NDUFA12: variants seen among roughly 807,000 people sequenced by gnomAD.
NDUFA12 encodes NADH:ubiquinone oxidoreductase subunit A12.
NDUFA12 carries 17 observed loss-of-function variants against 20.3 expected under a neutral mutation model. The observed-to-expected ratio is 0.84, with a 90% CI of 0.57 to 1.26. NDUFA12 has a LOEUF of 1.26. Ranked by LOEUF, NDUFA12 falls within the 50% of genes most tolerant of loss-of-function variation. NDUFA12 has a pLI of 0.00. For missense variants in NDUFA12, 191 were observed against 183.7 expected, an observed-to-expected ratio of 1.04 and a Z score of -0.23; for synonymous variants, 72 against 63.6, an observed-to-expected ratio of 1.13 and a Z score of -0.63.
chr12:94,994,077 T>A (rs778786219), intron 3 of NDUFA12, 93 bp downstream of exon 3: 63 of 1,117,562 alleles, frequency 5.6e-5, no homozygotes, highest in Non-Finnish European at 7.7e-5. Flanking sequence ...TGAGTCATGA[T>A]CATGTCACTG....
At chr12:94,975,460 G>A (rs908755034) in intron 3 of NDUFA12, among the ~76,000 whole-genome samples, 3 of 152,166 alleles carry the variant, frequency 2.0e-5, no homozygotes, top group Non-Finnish European at 4.4e-5. Flanking sequence ...TGAACTTAAA[G>A]AGAAATCAGT....
At chr12:94,991,814 G>A (rs926028762) in intron 3 of NDUFA12, among the ~76,000 whole-genome samples, 5 of 151,610 alleles carry the variant, frequency 3.3e-5, no homozygotes, top group African/African-American at 7.3e-5. Flanking sequence ...GAAACCCTTC[G>A]CAGAATTCTC....
intron 2 of NDUFA12, 25 bp downstream of exon 2, chr12:95,002,714 T>A (rs1875099501): frequency 6.5e-7 from 1 of 1,536,490 alleles, no homozygotes; most frequent in Non-Finnish European, 9.0e-7. Flanking sequence ...ATCCAATTAT[T>A]CATACTAAAA....
At chr12:94,990,586 C>T (rs973333860) in intron 3 of NDUFA12, among the ~76,000 whole-genome samples, 1 of 152,100 alleles carries the variant, frequency 6.6e-6, no homozygotes, top group South Asian at 2.1e-4. Context: ...CCATGCCTGG[C>T]TAATTTTCTA....
chr12:94,995,354 G>C (rs566562145), intron 2 of NDUFA12, among the ~76,000 whole-genome samples: 1 of 152,260 alleles, frequency 6.6e-6, no homozygotes, highest in African/African-American at 2.4e-5. Flanking sequence ...GGAATGTGCA[G>C]GCAGATGGAG....
intron 3 of NDUFA12, chr12:94,972,326 G>A: frequency 3.3e-6 from 1 of 298,700 alleles, no homozygotes; most frequent in Non-Finnish European, 6.9e-6. Context: ...ATAAATTATG[G>A]CCACTACTGA....
At chr12:95,003,432 T>C (rs1875135658) in intron 1 of NDUFA12, among the ~76,000 whole-genome samples, 163 bp downstream of exon 1, 1 of 152,250 alleles carries the variant, frequency 6.6e-6, no homozygotes, top group Admixed American at 6.5e-5. Context: ...CGGGGATATA[T>C]GGGACAGAGA....
intron 2 of NDUFA12, among the ~76,000 whole-genome samples, chr12:95,002,213 G>A (rs1388122114): frequency 2.7e-5 from 4 of 150,740 alleles, no homozygotes; most frequent in Non-Finnish European, 5.9e-5. Context: ...GGGCCAAGGC[G>A]GGTGGATCAC....
In NDUFA12 at chr12:94,977,949, G is replaced by C. The variant is rs79115313; in HGVS notation, c.258-6329C>G. 9.2e-5 allele frequency among the ~76,000 whole-genome samples: 14 copies of C among 152,226 alleles called. No homozygotes were observed. In the East Asian group the frequency reaches 2.7e-3, roughly 29 times the overall value. ...CTGAAGAGCCACCAGATGGGCACTT[G>C]AATAAAGTGAAGGTGTGTGAGCCAT... On this transcript the variant is annotated intron_variant, in intron 3 of 3. Coordinates refer to ENST00000327772, the MANE Select transcript of NDUFA12 (RefSeq NM_018838.5).
intron 3 of NDUFA12, among the ~76,000 whole-genome samples, chr12:94,980,005 TC>T (rs1301781592): frequency 6.6e-6 from 1 of 152,174 alleles, no homozygotes; most frequent in African/African-American, 2.4e-5. Context: ...TATTGCCAAA[TC>T]ACACGGACAT....
rs1874792755 is a variant in NDUFA12, at chr12:94,995,498, AT to A, written c.170-1242del. Among the ~76,000 whole-genome samples, 19 of 152,238 alleles carry A rather than the reference AT, an allele frequency of 1.2e-4. 1 individual carries two copies. The South Asian group carries it at 3.1e-3, about 25-fold the overall frequency. On this transcript the variant is annotated intron_variant, in intron 2 of 3. Transcript: ENST00000327772. Reference sequence around the variant, plus strand: ...GTATTTCTTGAAATGTTAAATGCCTATTCTCAGACTCAGAAATTCAACTTTA... The same window carrying A: ...GTATTTCTTGAAATGTTAAATGCCTATCTCAGACTCAGAAATTCAACTTTA...
At chr12:94,988,927 T>G (rs1194063111) in intron 3 of NDUFA12, among the ~76,000 whole-genome samples, 1 of 152,150 alleles carries the variant, frequency 6.6e-6, no homozygotes, top group Non-Finnish European at 1.5e-5. Context: ...AACATCTACA[T>G]GATTTGGGCC....
intron 3 of NDUFA12, among the ~76,000 whole-genome samples, chr12:94,972,914 G>C (rs962844637): frequency 1.3e-5 from 2 of 151,952 alleles, no homozygotes; most frequent in African/African-American, 4.8e-5. Flanking sequence ...ACATGGGAAA[G>C]AAGGGAAGAC....
intron 3 of NDUFA12, among the ~76,000 whole-genome samples, chr12:94,975,057 TG>T (rs1293027027): frequency 2.0e-5 from 3 of 152,242 alleles, no homozygotes; most frequent in Non-Finnish European, 4.4e-5. Context: ...CTTGAAGGGA[TG>T]GGTACCCCAT....
chr12:94,979,875 T>C (rs1423359051), intron 3 of NDUFA12, among the ~76,000 whole-genome samples: 2 of 152,090 alleles, frequency 1.3e-5, no homozygotes, highest in East Asian at 3.8e-4. Flanking sequence ...TGTCCAATAT[T>C]GACAGTGCAT....
chr12:94,976,548 G>A (rs1387298372), intron 3 of NDUFA12, among the ~76,000 whole-genome samples: 1 of 152,162 alleles, frequency 6.6e-6, no homozygotes, highest in African/African-American at 2.4e-5. Flanking sequence ...GTCTGCATAT[G>A]ACTTCATTCA....
chr12:94,992,945 G>A (rs11107846), intron 3 of NDUFA12, among the ~76,000 whole-genome samples: 49,530 of 152,112 alleles, frequency 0.33, 8,421 homozygotes, highest in East Asian at 0.42. Context: ...AAATTTAAGG[G>A]TAACTTATTA....
intron 2 of NDUFA12, among the ~76,000 whole-genome samples, chr12:95,002,426 A>AGC (rs1275713265): frequency 1.7e-5 from 2 of 117,412 alleles, no homozygotes; most frequent in Admixed American, 2.1e-4. Flanking sequence ...TGGCCGACAG[A>AGC]GACTCCATCT....
chr12:94,996,040 C>A (rs1874817976), intron 2 of NDUFA12, among the ~76,000 whole-genome samples: 1 of 150,910 alleles, frequency 6.6e-6, no homozygotes, highest in Admixed American at 6.6e-5. Flanking sequence ...AAACCTTGTC[C>A]CTACAAAAAA....
Sources: allele counts gnomAD v4.1 joint callset (sites outside exome capture counted in the v4.1 genomes callset), GRCh38; gene constraint gnomAD v4.1.1; transcripts MANE v1.5; gene names NCBI Gene and HGNC (gene_info 2026-07-23, HGNC 2026-07-21).